TSPAN18: variants seen among roughly 807,000 people sequenced by gnomAD.
TSPAN18 encodes the protein tetraspanin 18.
A neutral mutation model predicts 27.3 loss-of-function variants in TSPAN18; 14 were observed. The observed-to-expected ratio is 0.51, with a 90% confidence interval of 0.34 to 0.80. The LOEUF is 0.80. Ranked by LOEUF, TSPAN18 falls within the 30% of genes least tolerant of loss-of-function variation. The probability of loss-of-function intolerance (pLI) is 0.01; values close to 1 mark genes in which losing one functional copy is unlikely to be tolerated. For synonymous variants in TSPAN18, 143 were observed against 136.5 expected, an observed-to-expected ratio of 1.05 and a Z score of -0.33; for missense variants, 268 against 323.9, an observed-to-expected ratio of 0.83 and a Z score of 1.32.
Position 44,931,206 on chromosome 11 carries a change from G to A in TSPAN18, c.*2028G>A. ...AGAAGCTAAGCTCCTGAGACCCAGG[G>A]GGACCTGCCACTGGTACCGCGGCCC... On this transcript the variant is annotated 3_prime_UTR_variant, in exon 10 of 10. Transcript: ENST00000520358. 3.2e-6 allele frequency: 1 copy of A among 307,802 alleles called. No homozygotes were observed. The highest frequency in any genetic ancestry group is 6.4e-6 in the Non-Finnish European group (1 of 155,338). The allele number at this position is 307,802 out of a possible 1,614,324, so 19.1% of individuals were successfully genotyped here.
intron 3 of TSPAN18, among the ~76,000 whole-genome samples, chr11:44,887,465 T>A (rs1858695178): frequency 1.3e-5 from 2 of 152,232 alleles, no homozygotes; most frequent in African/African-American, 4.8e-5. Flanking sequence ...TGTTCTCAGC[T>A]GTCAACTGGG....
chr11:44,770,314 G>A (rs968024652), intron 2 of TSPAN18, among the ~76,000 whole-genome samples: 3 of 152,180 alleles, frequency 2.0e-5, no homozygotes, highest in Non-Finnish European at 2.9e-5. Context: ...ATTATGGATA[G>A]GAGGTACAGG....
At chr11:44,867,429 C>T (rs1047388487) in intron 3 of TSPAN18, among the ~76,000 whole-genome samples, 9 of 110,338 alleles carry the variant, frequency 8.2e-5, no homozygotes, top group Middle Eastern at 0.012. Flanking sequence ...GACAGAGTCT[C>T]GCTCTGTCAC....
At chr11:44,779,101 G>A (rs899823563) in intron 2 of TSPAN18, among the ~76,000 whole-genome samples, 1 of 152,084 alleles carries the variant, frequency 6.6e-6, no homozygotes, top group South Asian at 2.1e-4. Context: ...TCTGTCCTGG[G>A]AGCCTGCCCC....
chr11:44,830,090 C>T (rs1047231830), intron 2 of TSPAN18, among the ~76,000 whole-genome samples: 10 of 152,202 alleles, frequency 6.6e-5, no homozygotes, highest in African/African-American at 2.2e-4. Context: ...CCACTCCACA[C>T]CATCCACATA....
intron 2 of TSPAN18, among the ~76,000 whole-genome samples, chr11:44,769,186 C>T (rs951192257): frequency 6.6e-6 from 1 of 152,174 alleles, no homozygotes; most frequent in Admixed American, 6.5e-5. Flanking sequence ...TGAGCCACTG[C>T]ACCTGGCCTA....
intron 2 of TSPAN18, among the ~76,000 whole-genome samples, chr11:44,841,222 A>G (rs1020554676): frequency 2.0e-5 from 3 of 152,154 alleles, no homozygotes; most frequent in African/African-American, 7.2e-5. Context: ...GAATTCATCA[A>G]ATGACTGCAT....
intron 2 of TSPAN18, among the ~76,000 whole-genome samples, chr11:44,834,321 G>A (rs2121273): frequency 2.0e-5 from 3 of 151,710 alleles, no homozygotes; most frequent in Non-Finnish European, 4.4e-5. Flanking sequence ...AAAACAAATC[G>A]CTGCCTAAGC....
chr11:44,751,317 C>T (rs995560810), intron 1 of TSPAN18, among the ~76,000 whole-genome samples: 8 of 152,168 alleles, frequency 5.3e-5, no homozygotes, highest in African/African-American at 1.7e-4. Flanking sequence ...TTCATTTCTT[C>T]CTTTTCTACT....
At chr11:44,756,549 A>G (rs1855338003) in intron 1 of TSPAN18, among the ~76,000 whole-genome samples, 1 of 152,182 alleles carries the variant, frequency 6.6e-6, no homozygotes, top group Admixed American at 6.5e-5. Flanking sequence ...ATCTATATCC[A>G]TTAAGCAATA....
At chr11:44,730,029 TC>T (rs1854614470) in intron 1 of TSPAN18, among the ~76,000 whole-genome samples, 1 of 151,894 alleles carries the variant, frequency 6.6e-6, no homozygotes, top group South Asian at 2.1e-4. Flanking sequence ...AGCAGGAGAG[TC>T]TAACCTTTTA....
rs530858351 is a variant in TSPAN18 at position 44,890,000 on chromosome 11, G to A, written c.-10-16407G>A. On this transcript the variant is annotated intron_variant, in intron 3 of 9. Transcript: ENST00000520358. ...CTGCCCTAGGCAGGAAGATGGCCAC[G>A]GTCCTGCCCCACAGGCTCGTTCCAT... Among the ~76,000 whole-genome samples, 21 of 152,302 alleles carry A rather than the reference G, an allele frequency of 1.4e-4. No individual in the cohort carries two copies. The East Asian group carries it at 1.5e-3, about 11-fold the overall frequency.
chr11:44,802,171 G>A (rs1590494938), intron 2 of TSPAN18, among the ~76,000 whole-genome samples: 1 of 152,020 alleles, frequency 6.6e-6, no homozygotes, highest in African/African-American at 2.4e-5. Context: ...GCAATAGAGG[G>A]GGAGTTTGGG....
chr11:44,908,104 G>T (rs1024188940), intron 4 of TSPAN18, among the ~76,000 whole-genome samples: 1 of 149,386 alleles, frequency 6.7e-6, no homozygotes, highest in African/African-American at 2.5e-5. Context: ...TGGCAAAAAT[G>T]GAAACCCTGT....
chr11:44,799,257 T>C (rs529894208), intron 2 of TSPAN18, among the ~76,000 whole-genome samples: 1 of 151,852 alleles, frequency 6.6e-6, no homozygotes, highest in Non-Finnish European at 1.5e-5. Context: ...AAAACCAGAC[T>C]AAACTGGTCT....
chr11:44,729,944 C>G (rs904381266), intron 1 of TSPAN18, among the ~76,000 whole-genome samples: 1 of 152,070 alleles, frequency 6.6e-6, no homozygotes, highest in African/African-American at 2.4e-5. Flanking sequence ...GGTTATTTCC[C>G]CTCTTGAGCC....
chr11:44,916,970 C>T (rs1279352573), intron 5 of TSPAN18, among the ~76,000 whole-genome samples: 4 of 152,240 alleles, frequency 2.6e-5, no homozygotes, highest in African/African-American at 4.8e-5. Context: ...GGAAACCACA[C>T]AATGACCAGG....
intron 2 of TSPAN18, among the ~76,000 whole-genome samples, chr11:44,789,756 C>T (rs1440317507): frequency 6.6e-6 from 1 of 152,152 alleles, no homozygotes; most frequent in African/African-American, 2.4e-5. Context: ...CTTTATTTTC[C>T]TTGACTGTCA....
chr11:44,865,045 A>G (rs1409553943), intron 3 of TSPAN18, among the ~76,000 whole-genome samples: 1 of 152,212 alleles, frequency 6.6e-6, no homozygotes, highest in East Asian at 1.9e-4. Context: ...GGTTGGACAT[A>G]CCAATCTCTT....
Sources: allele counts gnomAD v4.1 joint callset (sites outside exome capture counted in the v4.1 genomes callset), GRCh38; gene constraint gnomAD v4.1.1; transcripts MANE v1.5; gene names NCBI Gene and HGNC (gene_info 2026-07-23, HGNC 2026-07-21).